Variants in EPC2 observed in about 807,000 individuals in gnomAD.
EPC2 encodes the protein enhancer of polycomb homolog 2.
A neutral mutation model predicts 92.1 loss-of-function variants in EPC2; 14 were observed. The observed-to-expected ratio is 0.15, with a 90% CI of 0.10 to 0.24. The LOEUF is 0.24. Ranked by LOEUF, EPC2 falls within the 10% of genes least tolerant of loss-of-function variation. The probability of loss-of-function intolerance (pLI) is 1.00; values close to 1 mark genes in which losing one functional copy is unlikely to be tolerated. For synonymous variants in EPC2, 340 were observed against 334.7 expected (o/e 1.02, Z -0.17); for missense variants, 755 against 971.5 (o/e 0.78, Z 2.96).
In EPC2 at chr2:148,784,913, C is replaced by T; in HGVS notation, c.2263C>T (p.Pro755Ser). The T allele has an allele frequency of 1.3e-6, 2 of 1,589,704 alleles. No individual in the cohort carries two copies. The highest frequency in any genetic ancestry group is 1.7e-4 in the Middle Eastern group (1 of 5,944). Residue 755 changes from proline to serine, a missense_variant, in exon 13 of 14, where the codon CCA becomes TCA. By Grantham distance (74) the Pro-to-Ser change is moderately conservative. Coordinates refer to ENST00000258484, the MANE Select transcript of EPC2 (RefSeq NM_015630.4). The part of the protein sequence containing the change: ...HINTRTSAPS[P>S]TALKLATVAA... ...CAATACACGGACTTCAGCACCATCGCCAACAGCCTTAAAACTTGCCACAGT... is the reference window on the plus strand; with the variant it reads ...CAATACACGGACTTCAGCACCATCGTCAACAGCCTTAAAACTTGCCACAGT...
At chr2:148,653,243 G>A (rs767881266) in intron 1 of EPC2, among the ~76,000 whole-genome samples, 15 of 152,148 alleles carry the variant, frequency 9.9e-5, no homozygotes, top group African/African-American at 2.7e-4. Flanking sequence ...ATTGAGTTTC[G>A]TTGTATTGGT....
At chr2:148,757,505 T>G (rs1683215633) in intron 4 of EPC2, among the ~76,000 whole-genome samples, 1 of 152,134 alleles carries the variant, frequency 6.6e-6, no homozygotes, top group Non-Finnish European at 1.5e-5. Context: ...TGACACCCAG[T>G]AGAAATGGGC....
chr2:148,729,431 T>C (rs1171558671), intron 2 of EPC2, among the ~76,000 whole-genome samples: 1 of 152,234 alleles, frequency 6.6e-6, no homozygotes, highest in Non-Finnish European at 1.5e-5. Flanking sequence ...TTTCCTTTAA[T>C]GTAACATCTT....
intron 10 of EPC2, among the ~76,000 whole-genome samples, chr2:148,777,539 TAAC>T (rs1683670523): frequency 3.1e-5 from 4 of 128,026 alleles, no homozygotes; most frequent in Admixed American, 9.0e-5. Flanking sequence ...CTTTGTTAGT[TAAC>T]AAAGATTTCC....
intron 4 of EPC2, among the ~76,000 whole-genome samples, chr2:148,760,301 A>G (rs915101792): frequency 6.6e-6 from 1 of 152,156 alleles, no homozygotes; most frequent in Non-Finnish European, 1.5e-5. Context: ...CAAGATATGA[A>G]TAAGACAGGG....
intron 2 of EPC2, among the ~76,000 whole-genome samples, chr2:148,733,479 A>ATTTTTTTTTTTTTTTTTTT (rs34219179): frequency 7.5e-5 from 2 of 26,648 alleles, no homozygotes; most frequent in African/African-American, 1.3e-4. Context: ...CTCTCTCTGG[A>ATTTTTTTTTTTTTTTTTTT]TTTTTTTTTT....
intron 2 of EPC2, among the ~76,000 whole-genome samples, chr2:148,712,244 G>GTGTGT (rs1558817361): frequency 2.0e-5 from 3 of 149,442 alleles, no homozygotes; most frequent in East Asian, 2.0e-4. Flanking sequence ...TGTGTGTGGG[G>GTGTGT]GTGTGTGTGT....
chr2:148,656,248 T>A (rs938162307), intron 1 of EPC2, among the ~76,000 whole-genome samples: 3 of 152,200 alleles, frequency 2.0e-5, no homozygotes, highest in African/African-American at 7.2e-5. Flanking sequence ...TTCTGTTGAT[T>A]GTTTGTAGTT....
intron 3 of EPC2, among the ~76,000 whole-genome samples, chr2:148,747,937 C>G (rs567605129): frequency 6.6e-6 from 1 of 152,158 alleles, no homozygotes; most frequent in African/African-American, 2.4e-5. Context: ...TTGCCTCCCC[C>G]AGTTTTGCTC....
At chr2:148,649,164 A>G (rs1364285810) in intron 1 of EPC2, among the ~76,000 whole-genome samples, 4 of 152,230 alleles carry the variant, frequency 2.6e-5, no homozygotes, top group Admixed American at 2.0e-4. Flanking sequence ...GGCTTTACAT[A>G]TATTATTTCA....
At chr2:148,685,779 T>TA (rs1681506500) in intron 1 of EPC2, among the ~76,000 whole-genome samples, 1 of 152,040 alleles carries the variant, frequency 6.6e-6, no homozygotes, top group Admixed American at 6.6e-5. Context: ...AAAATAAAAA[T>TA]AAAAAAATAA....
intron 13 of EPC2, 46 bp downstream of exon 13, chr2:148,785,047 T>A (rs1327995996): frequency 2.1e-6 from 3 of 1,433,702 alleles, no homozygotes; most frequent in Non-Finnish European, 2.8e-6. Flanking sequence ...GTGCTGGCTG[T>A]CCTGTGGGAA....
intron 2 of EPC2, among the ~76,000 whole-genome samples, chr2:148,731,254 G>A (rs780688589): frequency 2.6e-5 from 4 of 152,196 alleles, no homozygotes; most frequent in African/African-American, 4.8e-5. Flanking sequence ...ATAGACCAAA[G>A]AGATTTTAAG....
At chr2:148,652,406 A>T (rs1381944555) in intron 1 of EPC2, among the ~76,000 whole-genome samples, 1 of 152,236 alleles carries the variant, frequency 6.6e-6, no homozygotes, top group Non-Finnish European at 1.5e-5. Context: ...TGAAATTTGA[A>T]TCAAAGACTG....
At chr2:148,774,013 A>G (rs1226072623) in intron 10 of EPC2, among the ~76,000 whole-genome samples, 1 of 152,074 alleles carries the variant, frequency 6.6e-6, no homozygotes. Flanking sequence ...TGTTTTTAAG[A>G]GTAATAAGAC....
chr2:148,719,757 G>C (rs1027545189), intron 2 of EPC2, among the ~76,000 whole-genome samples: 5 of 152,250 alleles, frequency 3.3e-5, no homozygotes, highest in Non-Finnish European at 7.3e-5. Context: ...CTTTTTGTTA[G>C]AGCAGCTGTG....
chr2:148,770,562 A>G (rs1213604757), intron 8 of EPC2, among the ~76,000 whole-genome samples: 3 of 152,206 alleles, frequency 2.0e-5, no homozygotes, highest in Non-Finnish European at 2.9e-5. Flanking sequence ...ATGAATTTAT[A>G]TTTACAAACT....
intron 10 of EPC2, among the ~76,000 whole-genome samples, chr2:148,779,573 ACT>A (rs1683709517): frequency 6.6e-6 from 1 of 152,120 alleles, no homozygotes; most frequent in Non-Finnish European, 1.5e-5. Flanking sequence ...ATAGAGCAAG[ACT>A]CTGTCTCCAA....
chr2:148,750,570 T>C (rs2105413666), intron 3 of EPC2, among the ~76,000 whole-genome samples: 1 of 152,240 alleles, frequency 6.6e-6, no homozygotes, highest in East Asian at 1.9e-4. Flanking sequence ...CAACCATGTA[T>C]ATTTTGATTT....
Sources: gnomAD v4.1 joint callset for allele counts (sites outside exome capture counted in the v4.1 genomes callset) on GRCh38, gnomAD v4.1.1 for gene constraint, MANE v1.5 for transcripts, NCBI Gene and HGNC (gene_info 2026-07-23, HGNC 2026-07-21) for gene names.